The following RNF180 variants were observed in gnomAD, a reference collection of about 807,000 sequenced individuals.
RNF180 encodes the protein ring finger protein 180, also known as E3 ubiquitin-protein ligase RNF180.
RNF180 carries 38 observed loss-of-function variants against 59.2 expected under a neutral mutation model. That is an observed-to-expected ratio of 0.64 (90% CI 0.50 to 0.84). The LOEUF (loss-of-function observed/expected upper bound fraction) is 0.84, where lower values mean the gene tolerates loss of function less well. Among genes scored for constraint, RNF180 ranks in the 40% least tolerant of loss-of-function variants. The pLI is 0.00. For missense variants in RNF180, 705 were observed against 700.9 expected (o/e 1.01, Z -0.07); for synonymous variants, 262 against 240.3 (o/e 1.09, Z -0.84).
At chr5:64,257,218 G>A (rs2112301935) in intron 5 of RNF180, among the ~76,000 whole-genome samples, 1 of 152,200 alleles carries the variant, frequency 6.6e-6, no homozygotes, top group East Asian at 1.9e-4. Context: ...TGATTGCCCT[G>A]GCCAGAACTT....
intron 2 of RNF180, among the ~76,000 whole-genome samples, chr5:64,201,423 T>G (rs990087790): frequency 1.3e-5 from 2 of 152,172 alleles, no homozygotes; most frequent in Admixed American, 6.5e-5. Flanking sequence ...GTGTGTTTGG[T>G]CATCCTGATT....
intron 1 of RNF180, among the ~76,000 whole-genome samples, chr5:64,184,252 TG>T (rs896002030): frequency 6.6e-6 from 1 of 152,210 alleles, no homozygotes; most frequent in Admixed American, 6.5e-5. Flanking sequence ...ACCCAGTCTG[TG>T]GTACTTTGTT....
intron 1 of RNF180, among the ~76,000 whole-genome samples, chr5:64,181,744 T>G (rs1029402689): frequency 8.5e-5 from 13 of 152,134 alleles, no homozygotes; most frequent in African/African-American, 2.9e-4. Flanking sequence ...CAGCCTGAAA[T>G]GAAACCTCTG....
intron 2 of RNF180, among the ~76,000 whole-genome samples, chr5:64,208,938 T>C (rs1261795249): frequency 6.6e-6 from 1 of 152,046 alleles, no homozygotes; most frequent in Admixed American, 6.6e-5. Context: ...TACCTCTCCC[T>C]ACATAAATTT....
chr5:64,326,291 A>G (rs919273141), intron 6 of RNF180, among the ~76,000 whole-genome samples: 4 of 152,130 alleles, frequency 2.6e-5, no homozygotes, highest in Non-Finnish European at 5.9e-5. Flanking sequence ...TATGAGTACC[A>G]AATATTGTAC....
At chr5:64,288,239 A>G (rs1027345273) in intron 5 of RNF180, among the ~76,000 whole-genome samples, 5 of 152,108 alleles carry the variant, frequency 3.3e-5, no homozygotes, top group South Asian at 2.1e-4. Context: ...TGAGTTCACT[A>G]TTCTGTTCCA....
intron 7 of RNF180, among the ~76,000 whole-genome samples, chr5:64,354,256 TA>T (rs1227299993): frequency 1.3e-5 from 2 of 151,612 alleles, no homozygotes; most frequent in Non-Finnish European, 3.0e-5. Flanking sequence ...GCTTAATAAA[TA>T]AAAAACAGTG....
At chr5:64,204,019 A>T (rs1751882029) in intron 2 of RNF180, among the ~76,000 whole-genome samples, 1 of 152,210 alleles carries the variant, frequency 6.6e-6, no homozygotes, top group Non-Finnish European at 1.5e-5. Flanking sequence ...GTACAGTTAA[A>T]AATAAGCCAT....
At chr5:64,329,624 AT>A (rs1285987894) in intron 6 of RNF180, among the ~76,000 whole-genome samples, 1 of 151,576 alleles carries the variant, frequency 6.6e-6, no homozygotes, top group Non-Finnish European at 1.5e-5. Flanking sequence ...TGCCCAGCTA[AT>A]TTTTGTATTT....
chr5:64,259,175 A>G (rs1224655563), intron 5 of RNF180, among the ~76,000 whole-genome samples: 1 of 152,160 alleles, frequency 6.6e-6, no homozygotes, highest in East Asian at 1.9e-4. Context: ...GCCATCTTTC[A>G]TAAGAAGGCT....
chr5:64,281,606 C>T (rs532071372), intron 5 of RNF180, among the ~76,000 whole-genome samples: 1 of 152,220 alleles, frequency 6.6e-6, no homozygotes, highest in African/African-American at 2.4e-5. Context: ...TCAAGCAATT[C>T]TCCTGCCTCA....
At chr5:64,260,423 T>C (rs1744265082) in intron 5 of RNF180, among the ~76,000 whole-genome samples, 1 of 152,234 alleles carries the variant, frequency 6.6e-6, no homozygotes, top group South Asian at 2.1e-4. Flanking sequence ...AGTAAATTAT[T>C]TCATATTTAA....
At chr5:64,213,418 G>C (rs1020468623) in intron 3 of RNF180, 140 bp from the exon 4 acceptor site, 2 of 700,420 alleles carry the variant, frequency 2.9e-6, no homozygotes, top group Non-Finnish European at 4.8e-6. Context: ...TTGCTGTTCA[G>C]TCTACTAATC....
intron 5 of RNF180, among the ~76,000 whole-genome samples, chr5:64,296,593 G>A (rs1415893744): frequency 6.6e-6 from 1 of 151,872 alleles, no homozygotes. Flanking sequence ...AAGAATCTCA[G>A]TAGGATTCTT....
chr5:64,254,325 TA>T (rs1200489835), intron 5 of RNF180, among the ~76,000 whole-genome samples: 1 of 152,168 alleles, frequency 6.6e-6, no homozygotes, highest in Non-Finnish European at 1.5e-5. Flanking sequence ...GTGTTTCATC[TA>T]ATAATTCCTC....
At chr5:64,217,287 G>A in intron 4 of RNF180, 74 bp from the exon 5 acceptor site, 3 of 1,313,128 alleles carry the variant, frequency 2.3e-6, no homozygotes, top group Non-Finnish European at 2.9e-6. Context: ...TTTAGGTTTT[G>A]CAAATTATGA....
Position 64,372,767 on chromosome 5 carries a change from A to G in RNF180, c.*2953A>G, listed in dbSNP as rs895530297. On this transcript the variant is annotated 3_prime_UTR_variant, in exon 8 of 8. Transcript: ENST00000389100. ...AGGTTTGAATGCTTTAACATGCTCA[A>G]CTCTTACTTCTTGAAGTGTTTGATT... 8.6e-5 allele frequency: 13 copies of G among 151,806 alleles called. No homozygotes were observed. Among genetic ancestry groups the G allele is most frequent in the African/African-American group, 3.1e-4 (13 of 41,380 alleles). The allele number at this position is 151,806 out of a possible 1,614,324, so 9.4% of individuals were successfully genotyped here.
At chr5:64,304,799 G>C (rs977775996) in intron 5 of RNF180, among the ~76,000 whole-genome samples, 1 of 151,642 alleles carries the variant, frequency 6.6e-6, no homozygotes, top group Admixed American at 6.6e-5. Flanking sequence ...CTTCAATTTT[G>C]AATGAAGTTT....
intron 5 of RNF180, among the ~76,000 whole-genome samples, chr5:64,253,915 G>A (rs1419968142): frequency 1.3e-5 from 2 of 152,122 alleles, no homozygotes; most frequent in Non-Finnish European, 2.9e-5. Flanking sequence ...CATATAGTAA[G>A]CATTTAATAA....
Sources: gnomAD v4.1 joint callset for allele counts (sites outside exome capture counted in the v4.1 genomes callset) on GRCh38, gnomAD v4.1.1 for gene constraint, MANE v1.5 for transcripts, NCBI Gene and HGNC (gene_info 2026-07-23, HGNC 2026-07-21) for gene names.